The following VPS8 variants were observed in gnomAD, a reference collection of about 807,000 sequenced individuals.
The protein encoded by VPS8 is VPS8 subunit of CORVET complex, also known as vacuolar protein sorting-associated protein 8 homolog.
A neutral mutation model predicts 216.4 loss-of-function variants in VPS8; 129 were observed. The observed-to-expected ratio is 0.60, with a 90% CI of 0.52 to 0.69. VPS8 has a LOEUF of 0.69. Among genes scored for constraint, VPS8 ranks in the 30% least tolerant of loss-of-function variants. VPS8 has a pLI of 0.00. For synonymous variants in VPS8, 571 were observed against 565.4 expected (o/e 1.01, Z -0.14); for missense variants, 1,531 against 1,683.5 (o/e 0.91, Z 1.59).
intron 46 of VPS8, among the ~76,000 whole-genome samples, chr3:185,036,795 G>T (rs1408731992): frequency 6.6e-6 from 1 of 151,628 alleles, no homozygotes; most frequent in Non-Finnish European, 1.5e-5. Flanking sequence ...TATATATAGT[G>T]CATCTAGTAA....
intron 33 of VPS8, 48 bp downstream of exon 33, chr3:184,929,712 C>T (rs780920761): frequency 1.1e-5 from 12 of 1,123,684 alleles, no homozygotes; most frequent in African/African-American, 4.9e-5. Flanking sequence ...AACTTTCCCT[C>T]TTATTGAGTA....
rs762549621 is a variant in VPS8 at position 184,944,657 on chromosome 3, G to T, written c.3035+4414G>T. 4.7e-4 allele frequency: 434 copies of T among 914,592 alleles called. 2 individuals are homozygous for T. The highest frequency in any genetic ancestry group is 3.4e-3 in the Middle Eastern group (6 of 1,782). The allele number at this position is 914,592 out of a possible 1,614,324, so 56.7% of individuals were successfully genotyped here. A position where few individuals can be genotyped will look rare whatever the true frequency, so the allele number is the denominator to read the frequency against. On this transcript the variant is annotated intron_variant, in intron 36 of 47. Coordinates refer to ENST00000625842, the MANE Select transcript of VPS8 (RefSeq NM_001009921.3). The stretch of plus-strand genomic sequence containing the variant: ...TCCTGGTAATGTTGATTTAGCCTTT[G>T]TTAACAATATTCTGAAGGCCTCTGA...
chr3:184,933,910 T>C (rs1434768785), intron 34 of VPS8, among the ~76,000 whole-genome samples: 1 of 152,214 alleles, frequency 6.6e-6, no homozygotes, highest in Non-Finnish European at 1.5e-5. Context: ...TTTAACAGAA[T>C]CTTGGCTATT....
At chr3:184,868,143 T>G in intron 18 of VPS8, 84 bp downstream of exon 18, 1 of 1,429,758 alleles carries the variant, frequency 7.0e-7, no homozygotes, top group South Asian at 1.2e-5. Context: ...AGAAGAAGAT[T>G]ATTTGGTAAG....
At chr3:185,006,719 G>A (rs756617555) in intron 45 of VPS8, among the ~76,000 whole-genome samples, 28 of 152,160 alleles carry the variant, frequency 1.8e-4, no homozygotes, top group African/African-American at 5.6e-4. Flanking sequence ...GCACAGGAGG[G>A]CCCAGTGACT....
chr3:184,842,186 C>CAAAAAGAA (rs1722283730), intron 7 of VPS8, among the ~76,000 whole-genome samples: 1 of 48,992 alleles, frequency 2.0e-5, no homozygotes, highest in Non-Finnish European at 3.5e-5. Context: ...GACTCCGTCT[C>CAAAAAGAA]AAAAAAAAAA....
intron 45 of VPS8, among the ~76,000 whole-genome samples, chr3:185,009,852 A>G (rs1754757909): frequency 6.6e-6 from 1 of 152,088 alleles, no homozygotes. Context: ...CAAGGTGGCT[A>G]GAGTTTGCAG....
intron 24 of VPS8, 27 bp from the exon 25 acceptor site, chr3:184,900,894 A>G (rs756149006): frequency 7.6e-6 from 12 of 1,580,824 alleles, no homozygotes; most frequent in African/African-American, 1.4e-5. Context: ...GATGATGATG[A>G]TTGTTTTCCT....
intron 46 of VPS8, among the ~76,000 whole-genome samples, chr3:185,030,351 T>A (rs1197495639): frequency 6.6e-6 from 1 of 152,220 alleles, no homozygotes; most frequent in East Asian, 1.9e-4. Context: ...CTCAGGTACA[T>A]GGTTACCTCT....
intron 21 of VPS8, among the ~76,000 whole-genome samples, chr3:184,872,673 A>G (rs1358771125): frequency 6.6e-6 from 1 of 152,094 alleles, no homozygotes; most frequent in African/African-American, 2.4e-5. Flanking sequence ...TGATTGGGGA[A>G]GTAGAAGAGA....
intron 21 of VPS8, among the ~76,000 whole-genome samples, chr3:184,878,880 TTATCTGTGTGTGTA>T (rs1196385441): frequency 1.3e-5 from 2 of 152,162 alleles, no homozygotes; most frequent in Admixed American, 6.5e-5. Flanking sequence ...CTGTGGAGAT[TTATCTGTGTGTGTA>T]TATCTGTGTG....
At chr3:184,885,143 C>T (rs1489080702) in intron 21 of VPS8, among the ~76,000 whole-genome samples, 3 of 152,156 alleles carry the variant, frequency 2.0e-5, no homozygotes, top group Non-Finnish European at 2.9e-5. Flanking sequence ...CTTCTTTAGT[C>T]ACCTCTCTCT....
intron 3 of VPS8, among the ~76,000 whole-genome samples, chr3:184,827,863 A>G (rs1416853144): frequency 6.6e-6 from 1 of 152,180 alleles, no homozygotes; most frequent in East Asian, 1.9e-4. Context: ...GAAGGAAATG[A>G]GGCTGGGAAC....
intron 31 of VPS8, among the ~76,000 whole-genome samples, chr3:184,927,206 C>T (rs1266094286): frequency 6.6e-6 from 1 of 152,204 alleles, no homozygotes. Flanking sequence ...CTTTAAAAAG[C>T]ATACCCACCA....
chr3:184,821,350 T>C (rs1368228794), intron 1 of VPS8, among the ~76,000 whole-genome samples: 3 of 152,002 alleles, frequency 2.0e-5, no homozygotes, highest in Non-Finnish European at 4.4e-5. Flanking sequence ...TCTCTACTTT[T>C]TTTTTTTTTT....
intron 4 of VPS8, among the ~76,000 whole-genome samples, chr3:184,833,728 T>C (rs1292196749): frequency 1.3e-5 from 2 of 152,224 alleles, no homozygotes; most frequent in Non-Finnish European, 2.9e-5. Context: ...TGTACACCTT[T>C]ACATCTTCAT....
chr3:184,850,488 G>A (rs1402753033), intron 10 of VPS8, among the ~76,000 whole-genome samples: 1 of 152,148 alleles, frequency 6.6e-6, no homozygotes, highest in Non-Finnish European at 1.5e-5. Flanking sequence ...AAAAAACCAA[G>A]GTTTGGATTA....
intron 37 of VPS8, among the ~76,000 whole-genome samples, chr3:184,959,792 CTT>C (rs1357738575): frequency 1.3e-5 from 2 of 151,394 alleles, no homozygotes; most frequent in African/African-American, 4.8e-5. Context: ...TTGTTGCACT[CTT>C]TTTCTTTTTT....
Position 184,941,777 on chromosome 3 carries a change from A to G in VPS8, c.3035+1534A>G, listed in dbSNP as rs527502509. Among the ~76,000 whole-genome samples, 29 of 152,258 alleles carry G rather than the reference A, an allele frequency of 1.9e-4. No individual in the cohort carries two copies. The East Asian group carries it at 4.2e-3, about 22-fold the overall frequency. On this transcript the variant is annotated intron_variant, in intron 36 of 47. Transcript: ENST00000625842. ...GCCCTTAGGATAATTTATTTTAATC[A>G]AGTCCTTTTCCTCTGCTATCCTACC...
Sources: gnomAD v4.1 joint callset for allele counts (sites outside exome capture counted in the v4.1 genomes callset) on GRCh38, gnomAD v4.1.1 for gene constraint, MANE v1.5 for transcripts, NCBI Gene and HGNC (gene_info 2026-07-23, HGNC 2026-07-21) for gene names.